The following GABRG3 variants were observed in gnomAD, a reference collection of about 807,000 sequenced individuals.
GABRG3 encodes the protein gamma-aminobutyric acid type A receptor subunit gamma3.
A neutral mutation model predicts 48.8 loss-of-function variants in GABRG3; 25 were observed. The ratio of observed to expected loss-of-function variants is 0.51; its 90% CI spans 0.37 to 0.72. The LOEUF is 0.72. Among genes scored for constraint, GABRG3 ranks in the 30% least tolerant of loss-of-function variants. GABRG3 has a pLI of 0.00. For missense variants in GABRG3, 394 were observed against 577.9 expected (o/e 0.68, Z 3.26); for synonymous variants, 227 against 217.6 (o/e 1.04, Z -0.38).
chr15:27,021,255 A>G (rs1000147790), intron 2 of GABRG3, among the ~76,000 whole-genome samples: 2 of 152,200 alleles, frequency 1.3e-5, no homozygotes, highest in African/African-American at 4.8e-5. Context: ...AGCATTTAAC[A>G]TGTAAAGTTA....
intron 1 of GABRG3, among the ~76,000 whole-genome samples, chr15:26,972,322 G>A (rs1894862706): frequency 6.6e-6 from 1 of 152,194 alleles, no homozygotes; most frequent in African/African-American, 2.4e-5. Context: ...GCTAATGGGA[G>A]CTTAGAATCA....
intron 3 of GABRG3, among the ~76,000 whole-genome samples, chr15:27,092,986 C>T (rs1344070355): frequency 1.3e-5 from 2 of 151,920 alleles, no homozygotes; most frequent in African/African-American, 4.8e-5. Context: ...AAGGGGCCTC[C>T]TTCTGTAATT....
intron 5 of GABRG3, among the ~76,000 whole-genome samples, chr15:27,397,184 G>A (rs1595727991): frequency 6.6e-6 from 1 of 152,292 alleles, no homozygotes; most frequent in South Asian, 2.1e-4. Flanking sequence ...CGCCTACATG[G>A]AAGGGGGCGG....
rs919875181 is a variant in GABRG3 at position 27,435,294 on chromosome 15, T to G, written c.575-45356T>G. ...TCCCTCTAGCAGAGTTTTGCAAGTGTCTACAAATGGTAAAATAGTAAATAT... is the reference window on the plus strand; with the variant it reads ...TCCCTCTAGCAGAGTTTTGCAAGTGGCTACAAATGGTAAAATAGTAAATAT... On this transcript the variant is annotated intron_variant, in intron 5 of 9. Coordinates refer to ENST00000615808, the MANE Select transcript of GABRG3 (RefSeq NM_033223.5). Among the ~76,000 whole-genome samples the G allele has an allele frequency of 4.7e-4, 71 of 151,862 alleles. 1 individual carries two copies. The highest frequency in any genetic ancestry group is 8.8e-5 in the Non-Finnish European group (6 of 67,982).
chr15:27,512,069 A>G (rs950099363), intron 6 of GABRG3, among the ~76,000 whole-genome samples: 2 of 152,204 alleles, frequency 1.3e-5, no homozygotes, highest in South Asian at 4.1e-4. Flanking sequence ...CCACGCTCTT[A>G]GTATTAATCT....
At chr15:27,217,424 T>C (rs992461390) in intron 3 of GABRG3, among the ~76,000 whole-genome samples, 1 of 152,140 alleles carries the variant, frequency 6.6e-6, no homozygotes, top group Non-Finnish European at 1.5e-5. Flanking sequence ...CACCCACCAG[T>C]GGGTATCATG....
chr15:27,480,277 C>T (rs1030852542), intron 5 of GABRG3, among the ~76,000 whole-genome samples: 5 of 152,154 alleles, frequency 3.3e-5, no homozygotes, highest in African/African-American at 1.2e-4. Context: ...TGGGCATGGG[C>T]CATGTAGTTA....
chr15:27,237,543 C>T (rs185921264), intron 3 of GABRG3, among the ~76,000 whole-genome samples: 1 of 152,230 alleles, frequency 6.6e-6, no homozygotes, highest in Admixed American at 6.5e-5. Flanking sequence ...AAAACAGCTC[C>T]ATGGGTTCAA....
chr15:27,351,433 GGT>G (rs1005524995), intron 5 of GABRG3, among the ~76,000 whole-genome samples: 26 of 145,568 alleles, frequency 1.8e-4, no homozygotes, highest in Admixed American at 1.2e-3. Flanking sequence ...ATGTGTGTAT[GGT>G]GTGTGTGTAT....
intron 3 of GABRG3, among the ~76,000 whole-genome samples, chr15:27,243,638 C>T (rs1021840023): frequency 4.3e-4 from 66 of 152,118 alleles, no homozygotes; most frequent in African/African-American, 1.5e-3. Flanking sequence ...GTGGTTTTGC[C>T]TCCTGGGCTG....
intron 3 of GABRG3, among the ~76,000 whole-genome samples, chr15:27,059,057 A>C (rs1896601836): frequency 6.6e-6 from 1 of 152,268 alleles, no homozygotes; most frequent in Non-Finnish European, 1.5e-5. Flanking sequence ...GAATTGGAAA[A>C]TATGGAAATT....
At chr15:27,414,985 A>G (rs1213638007) in intron 5 of GABRG3, among the ~76,000 whole-genome samples, 1 of 152,090 alleles carries the variant, frequency 6.6e-6, no homozygotes, top group Non-Finnish European at 1.5e-5. Context: ...TTCGGCATTT[A>G]TCCTGCTTAA....
intron 2 of GABRG3, among the ~76,000 whole-genome samples, chr15:26,995,055 T>C (rs80238012): frequency 6.6e-6 from 1 of 152,182 alleles, no homozygotes; most frequent in East Asian, 1.9e-4. Flanking sequence ...AGAATTAAGG[T>C]CCAATTATTG....
chr15:27,265,693 G>A lies in GABRG3; in HGVS notation c.271-61116G>A, dbSNP rs1479147327. 2.6e-5 allele frequency among the ~76,000 whole-genome samples: 4 copies of A among 152,270 alleles called. No individual in the cohort carries two copies. The East Asian group carries it at 7.7e-4, about 29-fold the overall frequency. On this transcript the variant is annotated intron_variant, in intron 3 of 9. Coordinates refer to ENST00000615808, the MANE Select transcript of GABRG3 (RefSeq NM_033223.5). ...CAGCTACCAGTCCTTTATCAAGTATGGACGTTGCAAATACTTTCTCTCAGT... is the reference window on the plus strand; with the variant it reads ...CAGCTACCAGTCCTTTATCAAGTATAGACGTTGCAAATACTTTCTCTCAGT...
intron 3 of GABRG3, among the ~76,000 whole-genome samples, chr15:27,278,981 G>T (rs1373523760): frequency 6.6e-6 from 1 of 152,182 alleles, no homozygotes; most frequent in African/African-American, 2.4e-5. Context: ...TCCAGCCTGT[G>T]CTGTTACGTT....
intron 2 of GABRG3, among the ~76,000 whole-genome samples, chr15:27,000,558 T>A (rs1198184171): frequency 1.3e-5 from 2 of 152,210 alleles, no homozygotes; most frequent in Admixed American, 1.3e-4. Context: ...GGTTTAACAC[T>A]ATCCCCATTT....
At chr15:27,105,441 C>G (rs1033337836) in intron 3 of GABRG3, among the ~76,000 whole-genome samples, 1 of 152,170 alleles carries the variant, frequency 6.6e-6, no homozygotes, top group African/African-American at 2.4e-5. Context: ...CACCCAACAA[C>G]AGCAAAATAC....
In GABRG3 at chr15:27,532,824, C is replaced by G; in HGVS notation, c.1347C>G (p.Phe449Leu). The G allele has an allele frequency of 6.2e-7, 1 of 1,613,944 alleles. No individual in the cohort carries two copies. Residue 449 changes from phenylalanine (F) to leucine (L), a missense_variant, in exon 10 of 10, where the codon TTC (phenylalanine) becomes TTG (leucine). Phe to Leu is a conservative substitution (Grantham distance 22). Around this residue, in one of 3 missense-constraint regions of GABRG3, gnomAD observed 126 missense variants for 155.5 expected, o/e 0.81. Transcript: ENST00000615808. The part of the protein sequence containing the change: ...LELDSYSRVF[F>L]PTSFLLFNLV... ...TGGACTCGTACTCCCGGGTCTTTTT[C>G]CCCACGTCCTTCCTGCTCTTTAACC...
In GABRG3 at chr15:27,131,367, G is replaced by A. The variant is rs139019784; in HGVS notation, c.270+104546G>A. On this transcript the variant is annotated intron_variant, in intron 3 of 9. Coordinates refer to ENST00000615808, the MANE Select transcript of GABRG3 (RefSeq NM_033223.5). ...GATTTTTTTATGTCAAACTATCCTT[G>A]TTTTTCAGGAACAAACCATACTTTT... is the stretch of plus-strand genomic sequence containing the variant. Among the ~76,000 whole-genome samples the A allele has an allele frequency of 3.7e-4, 56 of 151,910 alleles. No homozygotes were observed. The East Asian group carries it at 7.8e-3, about 21-fold the overall frequency.
Sources: gnomAD v4.1 joint callset for allele counts (sites outside exome capture counted in the v4.1 genomes callset) on GRCh38, gnomAD v4.1.1 for gene constraint, gnomAD v4.1.1 regional missense constraint, MANE v1.5 for transcripts, NCBI Gene and HGNC (gene_info 2026-07-23, HGNC 2026-07-21) for gene names.